GNG2: variants seen among roughly 807,000 people sequenced by gnomAD.
GNG2 encodes guanine nucleotide-binding protein G(I)/G(S)/G(O) subunit gamma-2.
In GNG2, 5 loss-of-function variants were observed where a neutral mutation model predicts 5.5. The ratio of observed to expected loss-of-function variants is 0.91; its 90% CI spans 0.48 to 1.92. The LOEUF (loss-of-function observed/expected upper bound fraction) is 1.92, where lower values mean the gene tolerates loss of function less well. Among genes scored for constraint, GNG2 ranks in the 30% most tolerant of loss-of-function variants. The pLI, the probability that GNG2 is intolerant of heterozygous loss-of-function variation, is 0.01. For missense variants in GNG2, 55 were observed against 88.4 expected (o/e 0.62, Z 1.52); for synonymous variants, 28 against 32.0 (o/e 0.88, Z 0.42).
Position 51,935,056 on chromosome 14 carries a change from G to A in GNG2, c.-29-15594G>A, listed in dbSNP as rs183414754. On this transcript the variant is annotated intron_variant, in intron 2 of 3. Coordinates refer to ENST00000556766, the MANE Select transcript of GNG2 (RefSeq NM_053064.5). ...TTTTTTTTTTTGGAGACGGAGTCTC[G>A]CTCTGTTGCCCAGGCCGCAGTGCAG... Among the ~76,000 whole-genome samples, 28 of 132,216 alleles carry A rather than the reference G, an allele frequency of 2.1e-4. No homozygotes were observed. The East Asian group carries it at 3.8e-3, about 18-fold the overall frequency. 86.7% of individuals were successfully genotyped at this position (132,216 alleles called of 152,430 possible).
At chr14:51,937,169 T>A (rs955914284) in intron 2 of GNG2, among the ~76,000 whole-genome samples, 1 of 152,230 alleles carries the variant, frequency 6.6e-6, no homozygotes, top group African/African-American at 2.4e-5. Context: ...TTTAAGTACC[T>A]AGAGAAGTCA....
At chr14:51,840,922 C>A (rs1413432339) in intron 2 of GNG2, among the ~76,000 whole-genome samples, 1 of 152,164 alleles carries the variant, frequency 6.6e-6, no homozygotes, top group African/African-American at 2.4e-5. Flanking sequence ...TATAATGCTA[C>A]AACAATGTAC....
At chr14:51,851,417 G>A (rs768087146) in intron 2 of GNG2, among the ~76,000 whole-genome samples, 1 of 152,298 alleles carries the variant, frequency 6.6e-6, no homozygotes, top group East Asian at 1.9e-4. Flanking sequence ...TATACTAAGA[G>A]TACATACTAA....
intron 2 of GNG2, among the ~76,000 whole-genome samples, chr14:51,928,098 G>A (rs531167348): frequency 6.9e-6 from 1 of 144,770 alleles, no homozygotes; most frequent in South Asian, 2.2e-4. Flanking sequence ...TGGCAAGATC[G>A]TGGCTCACTG....
intron 2 of GNG2, among the ~76,000 whole-genome samples, chr14:51,891,796 G>A (rs1884871820): frequency 1.3e-5 from 2 of 152,148 alleles, no homozygotes; most frequent in Non-Finnish European, 2.9e-5. Context: ...TTCTTCCACT[G>A]TGTGAAATAT....
intron 3 of GNG2, among the ~76,000 whole-genome samples, chr14:51,958,448 C>CA (rs1889400143): frequency 6.9e-6 from 1 of 145,250 alleles, no homozygotes; most frequent in Admixed American, 7.0e-5. Flanking sequence ...TTCCCCCCCC[C>CA]CATTTATATT....
chr14:51,946,917 G>A lies in GNG2; in HGVS notation c.-29-3733G>A, dbSNP rs544253646. ...GAGGGGATTTTTTCATTGCTTTTAC[G>A]AGAAATCAGCTGGATGTGAAAAAAA... On this transcript the variant is annotated intron_variant, in intron 2 of 3. Transcript: ENST00000556766. Among the ~76,000 whole-genome samples, 8 of 152,064 alleles carry A rather than the reference G, an allele frequency of 5.3e-5. No individual in the cohort carries two copies. The East Asian group carries it at 1.4e-3, about 26-fold the overall frequency.
chr14:51,861,362 A>T (rs1038061009), intron 1 of GNG2: 4 of 152,200 alleles, frequency 2.6e-5, no homozygotes, highest in Non-Finnish European at 4.4e-5. Context: ...TGCTTTCAGG[A>T]TAACCTCAGA....
chr14:51,938,265 T>C (rs1439072696), intron 2 of GNG2, among the ~76,000 whole-genome samples: 4 of 152,230 alleles, frequency 2.6e-5, no homozygotes, highest in Non-Finnish European at 4.4e-5. Context: ...AGAGTCACAG[T>C]TGGTTGTATC....
At chr14:51,864,106 C>T (rs1476195494) in intron 1 of GNG2, among the ~76,000 whole-genome samples, 1 of 152,210 alleles carries the variant, frequency 6.6e-6, no homozygotes, top group African/African-American at 2.4e-5. Context: ...AGCAGCTGCA[C>T]TATTTTACAT....
intron 2 of GNG2, among the ~76,000 whole-genome samples, chr14:51,853,894 T>TG (rs1359675838): frequency 4.7e-5 from 7 of 147,576 alleles, no homozygotes; most frequent in Admixed American, 4.0e-4. Flanking sequence ...TTTCTTTTTT[T>TG]TTTCTTTTTT....
chr14:51,957,300 G>T (rs758995855), intron 3 of GNG2, among the ~76,000 whole-genome samples: 7 of 151,910 alleles, frequency 4.6e-5, no homozygotes, highest in Non-Finnish European at 1.0e-4. Context: ...AATAAAATTT[G>T]ATTTTTTTCT....
At chr14:51,906,187 T>C (rs867348208) in intron 2 of GNG2, among the ~76,000 whole-genome samples, 2 of 152,270 alleles carry the variant, frequency 1.3e-5, no homozygotes, top group Admixed American at 6.5e-5. Context: ...CTGCCTTTCC[T>C]ACCACCTGAC....
At chr14:51,956,108 A>G (rs1020388218) in intron 3 of GNG2, among the ~76,000 whole-genome samples, 2 of 152,196 alleles carry the variant, frequency 1.3e-5, no homozygotes, top group African/African-American at 2.4e-5. Flanking sequence ...ATGGAATACA[A>G]TCCTCCTTCT....
intron 1 of GNG2, among the ~76,000 whole-genome samples, chr14:51,869,741 G>A (rs1390415779): frequency 6.6e-6 from 1 of 152,140 alleles, no homozygotes; most frequent in Non-Finnish European, 1.5e-5. Context: ...TTGAACTCCT[G>A]AGCACAATAG....
intron 2 of GNG2, chr14:51,916,612 G>A: frequency 2.5e-6 from 1 of 400,630 alleles, no homozygotes; most frequent in South Asian, 1.9e-5. Flanking sequence ...GGGGGAGGAA[G>A]CCAGAAGTAG....
intron 2 of GNG2, among the ~76,000 whole-genome samples, chr14:51,942,342 T>G (rs1252377661): frequency 6.6e-6 from 1 of 152,052 alleles, no homozygotes; most frequent in African/African-American, 2.4e-5. Flanking sequence ...CACAATTCAT[T>G]GTTGACTGGC....
intron 2 of GNG2, among the ~76,000 whole-genome samples, chr14:51,901,135 G>C (rs1362156916): frequency 6.6e-6 from 1 of 152,114 alleles, no homozygotes; most frequent in African/African-American, 2.4e-5. Flanking sequence ...GCTATATTGG[G>C]TGTTAACATA....
chr14:51,951,828 T>C (rs1400377666), intron 3 of GNG2: 2 of 698,256 alleles, frequency 2.9e-6, no homozygotes, highest in East Asian at 5.4e-5. Context: ...AGTAGGGTGG[T>C]TGTAACAGAG....
Sources: gnomAD v4.1 joint callset for allele counts (sites outside exome capture counted in the v4.1 genomes callset) on GRCh38, gnomAD v4.1.1 for gene constraint, MANE v1.5 for transcripts, NCBI Gene and HGNC (gene_info 2026-07-23, HGNC 2026-07-21) for gene names.